FAM169A: variants seen among roughly 807,000 people sequenced by gnomAD.
FAM169A encodes the protein family with sequence similarity 169 member A, also known as soluble lamin-associated protein of 75 kDa.
Under a neutral mutation model 75.7 loss-of-function variants are expected in FAM169A, and 24 were observed. That is an observed-to-expected ratio of 0.32 (90% CI 0.23 to 0.45). The LOEUF is 0.45. FAM169A is among the 20% of genes least tolerant of loss of function. FAM169A has a pLI of 1.00. For missense variants in FAM169A, 673 were observed against 784.0 expected (o/e 0.86, Z 1.69); for synonymous variants, 271 against 271.0 (o/e 1.00, Z 0.00).
Position 74,780,979 on chromosome 5 carries a change from T to C in FAM169A, c.*481A>G, listed in dbSNP as rs1745383572. 6.6e-6 allele frequency: 1 copy of C among 152,602 alleles called. No homozygotes were observed. The highest frequency in any genetic ancestry group is 1.5e-5 in the Non-Finnish European group (1 of 68,338). 9.5% of individuals were successfully genotyped at this position (152,602 alleles called of 1,614,324 possible). The stretch of plus-strand genomic sequence containing the variant: ...TTACTTGAAGTTATATTTTTTCTAA[T>C]TTATTGACACTTATTTTTGTTTAGG... On this transcript the variant is annotated 3_prime_UTR_variant, in exon 13 of 13. Transcript: ENST00000687041.
intron 5 of FAM169A, among the ~76,000 whole-genome samples, chr5:74,830,249 A>G (rs999871856): frequency 6.6e-6 from 1 of 152,222 alleles, no homozygotes; most frequent in Non-Finnish European, 1.5e-5. Context: ...ACAGATTACT[A>G]TAAAACTACC....
chr5:74,806,008 G>A, intron 6 of FAM169A, among the ~76,000 whole-genome samples: 1 of 148,300 alleles, frequency 6.7e-6, no homozygotes, highest in African/African-American at 2.5e-5. Context: ...TAATATTCAG[G>A]TCAATTCTGA....
chr5:74,813,554 G>A (rs1747318132), intron 6 of FAM169A, among the ~76,000 whole-genome samples: 1 of 152,102 alleles, frequency 6.6e-6, no homozygotes, highest in Non-Finnish European at 1.5e-5. Flanking sequence ...TCGAACTCCT[G>A]ACCTCAGGTG....
chr5:74,852,457 A>G (rs977341940), intron 1 of FAM169A, among the ~76,000 whole-genome samples: 3 of 152,212 alleles, frequency 2.0e-5, no homozygotes, highest in Non-Finnish European at 4.4e-5. Flanking sequence ...CTAACTTCAA[A>G]GCATATTTAC....
chr5:74,781,499 C>T lies in FAM169A; in HGVS notation c.1974G>A (p.Gly658=), dbSNP rs1241852174. 8 of 1,614,024 alleles carry T rather than the reference C, an allele frequency of 5.0e-6. No homozygotes were observed. The highest frequency in any genetic ancestry group is 2.7e-5 in the African/African-American group (2 of 74,928). ...DRRNLRRKAK[G]HKGPAKKKAK... ...CTTTCTTCTTAGCAGGTCCTTTATG[C>T]CCTTTGGCCTTTCTTCTTAAATTCC... The change falls in exon 13 of 13, where the codon GGG becomes GGA. Residue 658 remains glycine, a synonymous_variant. Transcript: ENST00000687041.
chr5:74,793,130 T>C (rs986534278), intron 11 of FAM169A, among the ~76,000 whole-genome samples: 1 of 151,972 alleles, frequency 6.6e-6, no homozygotes, highest in African/African-American at 2.4e-5. Context: ...ATCGAGACCA[T>C]CCTGGCCAAC....
chr5:74,816,417 G>A (rs1236607164), intron 5 of FAM169A, among the ~76,000 whole-genome samples: 1 of 151,998 alleles, frequency 6.6e-6, no homozygotes, highest in African/African-American at 2.4e-5. Context: ...TCTAGTAAAG[G>A]GAAATTCCAG....
rs1283974912 is a variant in FAM169A at position 74,838,947 on chromosome 5, ATTAGAGGATC to A, written c.318+8_318+17del. The A allele has an allele frequency of 6.3e-7, 1 of 1,579,518 alleles. No individual in the cohort carries two copies. Among genetic ancestry groups the A allele is most frequent in the East Asian group, 2.2e-5 (1 of 44,690 alleles). On this transcript the variant is annotated splice_region_variant and intron_variant, in intron 4 of 12. Transcript: ENST00000687041. ...AATGGCCTCAAAAGAAACACTCAAA[ATTAGAGGATC>A]TTGTTACCTGCTTAAGCCCCTCTCT...
intron 1 of FAM169A, among the ~76,000 whole-genome samples, chr5:74,861,351 T>A (rs1054537745): frequency 6.6e-5 from 10 of 152,212 alleles, no homozygotes; most frequent in African/African-American, 1.7e-4. Flanking sequence ...AAATCTCTAT[T>A]ATCTGCCTAG....
intron 1 of FAM169A, among the ~76,000 whole-genome samples, chr5:74,856,968 G>T (rs2112733183): frequency 6.6e-6 from 1 of 151,860 alleles, no homozygotes; most frequent in African/African-American, 2.4e-5. Flanking sequence ...AATTAGCCTG[G>T]TGTGGTGGTG....
chr5:74,788,915 T>C lies in FAM169A; in HGVS notation c.1261-5781A>G, dbSNP rs1289832402. ...AAACTTAACCAAGTGGTGACTCCAA[T>C]TGCAGCTGCTGCACCAGATGTGGTT... On this transcript the variant is annotated intron_variant, in intron 11 of 12. Coordinates refer to ENST00000687041, the MANE Select transcript of FAM169A (RefSeq NM_001376049.1). 3.9e-5 allele frequency among the ~76,000 whole-genome samples: 6 copies of C among 152,264 alleles called. No individual in the cohort carries two copies. The East Asian group carries it at 1.2e-3, about 29-fold the overall frequency.
intron 8 of FAM169A, among the ~76,000 whole-genome samples, chr5:74,802,715 C>T (rs950152819): frequency 7.9e-5 from 12 of 152,142 alleles, no homozygotes; most frequent in Non-Finnish European, 1.8e-4. Context: ...ATAGTAACTA[C>T]TTTATTCATC....
rs1292656099 is a variant in FAM169A at position 74,841,538 on chromosome 5, A to C, written c.132+7T>G. 4.7e-5 allele frequency: 75 copies of C among 1,606,456 alleles called. No individual in the cohort carries two copies. Among genetic ancestry groups the C allele is most frequent in the Non-Finnish European group, 6.0e-5 (71 of 1,175,548 alleles). The stretch of plus-strand genomic sequence containing the variant: ...AGATTGATGACAATCACTGCAGAAC[A>C]CCTTACCGTAATATTGAGAAGAGAA... On this transcript the variant is annotated splice_region_variant and intron_variant, in intron 2 of 12. Coordinates refer to ENST00000687041, the MANE Select transcript of FAM169A (RefSeq NM_001376049.1).
chr5:74,779,227 ACT>A lies in FAM169A; in HGVS notation c.*2231_*2232del, dbSNP rs1346151897. The A allele has an allele frequency of 1.3e-5, 2 of 152,074 alleles. No homozygotes were observed. The highest frequency in any genetic ancestry group is 1.9e-4 in the East Asian group (1 of 5,194). 9.4% of individuals were successfully genotyped at this position (152,074 alleles called of 1,614,324 possible). ...TATGATTAATAAACATTTTTTGTAAACTCAACTATATTCACACATCAAGAGTT... is the reference window on the plus strand; with the variant it reads ...TATGATTAATAAACATTTTTTGTAAACAACTATATTCACACATCAAGAGTT... On this transcript the variant is annotated 3_prime_UTR_variant, in exon 13 of 13. Transcript: ENST00000687041.
At chr5:74,862,853 T>C (rs930382295) in intron 1 of FAM169A, among the ~76,000 whole-genome samples, 4 of 152,192 alleles carry the variant, frequency 2.6e-5, no homozygotes, top group African/African-American at 7.2e-5. Flanking sequence ...ATTGTTAACA[T>C]TGTAATCCAC....
intron 1 of FAM169A, among the ~76,000 whole-genome samples, chr5:74,863,675 G>A (rs991988296): frequency 6.6e-6 from 1 of 152,102 alleles, no homozygotes; most frequent in Non-Finnish European, 1.5e-5. Flanking sequence ...AAAAATATTC[G>A]ATTTTTCTTT....
At chr5:74,836,106 T>C (rs1748559910) in intron 4 of FAM169A, among the ~76,000 whole-genome samples, 1 of 152,212 alleles carries the variant, frequency 6.6e-6, no homozygotes, top group Admixed American at 6.5e-5. Flanking sequence ...CATGAAGATA[T>C]TTTGAAGGTG....
chr5:74,841,466 A>AT (rs1748858037), intron 2 of FAM169A, 79 bp downstream of exon 2: 4 of 1,145,124 alleles, frequency 3.5e-6, no homozygotes, highest in Middle Eastern at 2.1e-4. Context: ...ACTTAAAATG[A>AT]TTTTTTTAAA....
chr5:74,809,224 A>G (rs1747041809), intron 6 of FAM169A, among the ~76,000 whole-genome samples: 1 of 152,228 alleles, frequency 6.6e-6, no homozygotes, highest in South Asian at 2.1e-4. Flanking sequence ...ATGCACATGG[A>G]CTAAAGAAAA....
Sources: allele counts gnomAD v4.1 joint callset (sites outside exome capture counted in the v4.1 genomes callset), GRCh38; gene constraint gnomAD v4.1.1; transcripts MANE v1.5; gene names NCBI Gene and HGNC (gene_info 2026-07-23, HGNC 2026-07-21).